Variants in CYP19A1 observed in about 807,000 individuals in gnomAD.
The protein encoded by CYP19A1 is aromatase.
CYP19A1 carries 32 observed loss-of-function variants against 44.4 expected under a neutral mutation model. The observed-to-expected ratio is 0.72, with a 90% CI of 0.54 to 0.97. The LOEUF is 0.97. Among genes scored for constraint, CYP19A1 ranks in the 50% least tolerant of loss-of-function variants. The probability of loss-of-function intolerance (pLI) is 0.00; values close to 1 mark genes in which losing one functional copy is unlikely to be tolerated. For missense variants in CYP19A1, 598 were observed against 637.8 expected, an observed-to-expected ratio of 0.94 and a Z score of 0.67; for synonymous variants, 212 against 215.6, an observed-to-expected ratio of 0.98 and a Z score of 0.14.
chr15:51,299,728 AG>A (rs2036073216), intron 1 of CYP19A1, among the ~76,000 whole-genome samples: 1 of 152,234 alleles, frequency 6.6e-6, no homozygotes, highest in Admixed American at 6.5e-5. Context: ...GGCTTATCCT[AG>A]CTTCGATGCT....
At chr15:51,223,361 G>A (rs1489393028) in intron 4 of CYP19A1, among the ~76,000 whole-genome samples, 2 of 152,090 alleles carry the variant, frequency 1.3e-5, no homozygotes, top group African/African-American at 4.8e-5. Context: ...CTGATGGTAG[G>A]TGGCCTACAC....
Position 51,303,200 on chromosome 15 carries a change from A to G in CYP19A1, c.-39+35295T>C, listed in dbSNP as rs550482583. ...GGGGTGGGCAGATGTGGAGGGGTGA[A>G]AGAGGTGAGTGAGGTTGAGAATCTT... On this transcript the variant is annotated intron_variant, in intron 1 of 9. Transcript: ENST00000396402. Among the ~76,000 whole-genome samples, 6 of 152,252 alleles carry G rather than the reference A, an allele frequency of 3.9e-5. No individual in the cohort carries two copies. In the South Asian group the frequency reaches 1.2e-3, roughly 32 times the overall value.
chr15:51,241,603 T>A (rs186499573), intron 2 of CYP19A1, among the ~76,000 whole-genome samples: 4 of 151,962 alleles, frequency 2.6e-5, no homozygotes, highest in South Asian at 4.2e-4. Context: ...GAAGCCCCCT[T>A]GGGAGAGGAG....
chr15:51,229,389 C>CAAA (rs202007253), intron 3 of CYP19A1, among the ~76,000 whole-genome samples: 1 of 96,540 alleles, frequency 1.0e-5, no homozygotes, highest in Non-Finnish European at 2.1e-5. Context: ...GATCCTATCT[C>CAAA]AAAAAAAAAA....
chr15:51,297,667 A>C (rs942766162), intron 1 of CYP19A1, among the ~76,000 whole-genome samples: 2 of 151,992 alleles, frequency 1.3e-5, no homozygotes, highest in African/African-American at 4.8e-5. Context: ...CTCCCTGCTC[A>C]ATGCCTACTG....
chr15:51,326,220 A>G (rs997630417), intron 1 of CYP19A1, among the ~76,000 whole-genome samples: 2 of 152,196 alleles, frequency 1.3e-5, no homozygotes, highest in African/African-American at 4.8e-5. Flanking sequence ...ATTGCCACAG[A>G]GTAAAGATTT....
At chr15:51,240,636 C>G (rs1019111382) in intron 2 of CYP19A1, among the ~76,000 whole-genome samples, 2 of 152,142 alleles carry the variant, frequency 1.3e-5, no homozygotes, top group Non-Finnish European at 1.5e-5. Flanking sequence ...AACCAGAAAC[C>G]ATAGGATCTC....
intron 1 of CYP19A1, among the ~76,000 whole-genome samples, chr15:51,255,929 A>T (rs566278849): frequency 1.3e-5 from 2 of 152,360 alleles, no homozygotes; most frequent in Admixed American, 1.3e-4. Context: ...TATCCTGAAA[A>T]TGATGGCCCC....
intron 1 of CYP19A1, among the ~76,000 whole-genome samples, chr15:51,265,828 A>G (rs1475665302): frequency 6.6e-6 from 1 of 152,142 alleles, no homozygotes; most frequent in African/African-American, 2.4e-5. Context: ...CTCAGTGCCA[A>G]CCGTTCCCCC....
chr15:51,234,186 G>A (rs1225281413), intron 3 of CYP19A1, among the ~76,000 whole-genome samples: 1 of 152,198 alleles, frequency 6.6e-6, no homozygotes, highest in Non-Finnish European at 1.5e-5. Flanking sequence ...TGAAGAGCAG[G>A]CAAGGAAAGG....
intron 1 of CYP19A1, among the ~76,000 whole-genome samples, chr15:51,279,640 C>G (rs981907491): frequency 6.6e-6 from 1 of 152,202 alleles, no homozygotes. Flanking sequence ...ATATACATTT[C>G]CCTTAAAGTC....
chr15:51,257,225 A>T (rs1245707374), intron 1 of CYP19A1, among the ~76,000 whole-genome samples: 1 of 152,184 alleles, frequency 6.6e-6, no homozygotes. Context: ...CATGAAGTAG[A>T]TTCTATTCTC....
At chr15:51,296,147 A>G (rs1160178433) in intron 1 of CYP19A1, among the ~76,000 whole-genome samples, 1 of 151,980 alleles carries the variant, frequency 6.6e-6, no homozygotes, top group Non-Finnish European at 1.5e-5. Context: ...CAGGGACAGC[A>G]GCAAGCAGAG....
At chr15:51,234,105 A>G (rs2033225003) in intron 3 of CYP19A1, among the ~76,000 whole-genome samples, 1 of 152,226 alleles carries the variant, frequency 6.6e-6, no homozygotes, top group African/African-American at 2.4e-5. Flanking sequence ...AAACTATTCA[A>G]ATAAAAATAA....
intron 1 of CYP19A1, among the ~76,000 whole-genome samples, chr15:51,263,411 T>A (rs1016101599): frequency 1.3e-5 from 2 of 152,190 alleles, no homozygotes; most frequent in Non-Finnish European, 2.9e-5. Context: ...GCAGTGCCTA[T>A]GCATAATGGT....
At chr15:51,331,316 G>T (rs573570836) in intron 1 of CYP19A1, among the ~76,000 whole-genome samples, 2 of 152,330 alleles carry the variant, frequency 1.3e-5, no homozygotes, top group South Asian at 4.1e-4. Flanking sequence ...CCACGTGAGA[G>T]TAGACTAGAA....
At chr15:51,298,057 T>G (rs911457312) in intron 1 of CYP19A1, among the ~76,000 whole-genome samples, 1 of 152,032 alleles carries the variant, frequency 6.6e-6, no homozygotes, top group African/African-American at 2.4e-5. Flanking sequence ...ACCTTCCAAG[T>G]CTGGCTCCCT....
intron 1 of CYP19A1, among the ~76,000 whole-genome samples, chr15:51,325,707 A>G (rs2036597007): frequency 1.3e-5 from 2 of 151,968 alleles, no homozygotes; most frequent in South Asian, 2.1e-4. Context: ...GCGTGGTGGC[A>G]CATGCCTGTA....
intron 1 of CYP19A1, among the ~76,000 whole-genome samples, chr15:51,243,963 C>T (rs778361227): frequency 4.6e-5 from 7 of 152,096 alleles, no homozygotes; most frequent in Non-Finnish European, 8.8e-5. Flanking sequence ...AAGAGTGAGT[C>T]ATCATTAAAT....
Sources: gnomAD v4.1 joint callset for allele counts (sites outside exome capture counted in the v4.1 genomes callset) on GRCh38, gnomAD v4.1.1 for gene constraint, MANE v1.5 for transcripts, NCBI Gene and HGNC (gene_info 2026-07-23, HGNC 2026-07-21) for gene names.